ABR: variants seen among roughly 807,000 people sequenced by gnomAD.
ABR encodes ABR activator of RhoGEF and GTPase, also known as active breakpoint cluster region-related protein.
ABR carries 35 observed loss-of-function variants against 107.2 expected under a neutral mutation model. That is an observed-to-expected ratio of 0.33 (90% CI 0.25 to 0.43). The LOEUF (loss-of-function observed/expected upper bound fraction) is 0.43. Among genes scored for constraint, ABR ranks in the 20% least tolerant of loss-of-function variants. ABR has a pLI of 1.00. For synonymous variants in ABR, 498 were observed against 462.0 expected (o/e 1.08, Z -1.00); for missense variants, 815 against 1,115.2 (o/e 0.73, Z 3.83).
intron 1 of ABR, among the ~76,000 whole-genome samples, chr17:1,173,458 G>C (rs2041820755): frequency 6.7e-6 from 1 of 149,472 alleles, no homozygotes; most frequent in Non-Finnish European, 1.5e-5. Flanking sequence ...GCCTGCCCTA[G>C]GTTTGCGCCC....
chr17:1,100,333 G>A (rs2037779878), intron 3 of ABR, among the ~76,000 whole-genome samples: 1 of 152,206 alleles, frequency 6.6e-6, no homozygotes, highest in African/African-American at 2.4e-5. Flanking sequence ...CAGGCAGGCA[G>A]AGCACCATGA....
At chr17:1,062,096 G>A (rs1334290351) in intron 10 of ABR, among the ~76,000 whole-genome samples, 1 of 152,224 alleles carries the variant, frequency 6.6e-6, no homozygotes, top group Non-Finnish European at 1.5e-5. Flanking sequence ...AGCTGAACCT[G>A]AGAGGTGAGG....
upstream of ABR, among the ~76,000 whole-genome samples, chr17:1,190,597 G>A (rs2042410493): frequency 6.6e-6 from 1 of 152,174 alleles, no homozygotes; most frequent in Non-Finnish European, 1.5e-5. Context: ...CTGAGATCGT[G>A]CCACTGCACT....
At position 1,011,733 on chromosome 17, in the gene ABR, C is replaced by T. The variant is rs140692103; in HGVS notation, c.2101+113G>A. 2,799 of 1,338,026 alleles carry T rather than the reference C, an allele frequency of 2.1e-3. 29 individuals carry two copies. In the African/African-American group the frequency reaches 0.033, roughly 16 times the overall value. 82.9% of individuals were successfully genotyped at this position (1,338,026 alleles called of 1,614,324 possible). A position where few individuals can be genotyped will look rare whatever the true frequency, so the allele number is the denominator to read the frequency against. On this transcript the variant is annotated intron_variant, in intron 19 of 22. Transcript: ENST00000302538. The surrounding 1 kb of genome is among the most constrained non-coding windows in gnomAD (Gnocchi z 4.8). ...AGCACTTGCCACGGGGACTCTGAAG[C>T]AGAGCAAGCCTCCTCTCCAGGGAGG...
intron 16 of ABR, among the ~76,000 whole-genome samples, chr17:1,021,505 T>TA (rs1233820223): frequency 6.6e-6 from 1 of 151,960 alleles, no homozygotes; most frequent in Non-Finnish European, 1.5e-5. Context: ...CAGAGGTTCA[T>TA]AAAAAAAAGT....
intron 1 of ABR, among the ~76,000 whole-genome samples, chr17:1,201,551 G>A (rs1161875736): frequency 3.9e-5 from 6 of 152,260 alleles, no homozygotes; most frequent in South Asian, 2.1e-4. Flanking sequence ...CAGGCCCCCC[G>A]ATGCCGAAGA....
At chr17:1,097,451 CGTG>C (rs2037546260) in intron 3 of ABR, among the ~76,000 whole-genome samples, 6 of 151,848 alleles carry the variant, frequency 4.0e-5, no homozygotes, top group Admixed American at 3.3e-4. Context: ...ATTAGCTGGG[CGTG>C]GTGGTGGGTG....
chr17:1,226,620 G>A (rs972164344), intron 1 of ABR, among the ~76,000 whole-genome samples: 4 of 151,482 alleles, frequency 2.6e-5, no homozygotes, highest in Admixed American at 1.3e-4. Flanking sequence ...GCAGGTGTGT[G>A]TGCATGTATG....
At chr17:1,118,074 C>T (rs200601006) in intron 2 of ABR, among the ~76,000 whole-genome samples, 7,796 of 12,088 alleles carry the variant, frequency 0.64, 2,190 homozygotes, top group Middle Eastern at 0.79. Flanking sequence ...GAGCCTGAGT[C>T]CTTCCCAGCG....
chr17:1,053,358 C>G lies in ABR; in HGVS notation c.1561+2677G>C, dbSNP rs2440040. On this transcript the variant is annotated intron_variant, in intron 14 of 22. Coordinates refer to ENST00000302538, the MANE Select transcript of ABR (RefSeq NM_021962.5). ...GGTTCGAGAAGGGGCTGGGGGAGGG[C>G]TCACAGGGTCAGAGGGAGGGTTCCG... Among the ~76,000 whole-genome samples, 78 of 11,106 alleles carry G rather than the reference C, an allele frequency of 7.0e-3. 4 individuals are homozygous for G. Among genetic ancestry groups the G allele is most frequent in the African/African-American group, 0.02 (67 of 3,322 alleles). The allele number at this position is 11,106 out of a possible 152,430, so 7.3% of individuals were successfully genotyped here.
intron 1 of ABR, among the ~76,000 whole-genome samples, chr17:1,203,397 CCGCG>C (rs1309231180): frequency 0.25 from 8,219 of 33,070 alleles, 2,842 homozygotes; most frequent in East Asian, 0.37. Context: ...GGGGCGGGGC[CCGCG>C]GGGGGCGGAG....
chr17:1,176,204 C>T (rs947184013), intron 1 of ABR, among the ~76,000 whole-genome samples: 8 of 152,168 alleles, frequency 5.3e-5, no homozygotes, highest in African/African-American at 1.9e-4. Context: ...GCTGTCCCTG[C>T]CTGGGCTCCA....
Position 1,006,036 on chromosome 17 carries a change from G to C in ABR, c.*44C>G, listed in dbSNP as rs2150687160. On this transcript the variant is annotated 3_prime_UTR_variant, in exon 23 of 23. Transcript: ENST00000302538. ...CAAGTCTGAGTTGGACCCCAGGCTG[G>C]AGGGGCTGGTTCCACCACCCGCCCG... is the stretch of plus-strand genomic sequence containing the variant. 1.3e-6 allele frequency: 2 copies of C among 1,483,738 alleles called. No homozygotes were observed. The highest frequency in any genetic ancestry group is 1.8e-6 in the Non-Finnish European group (2 of 1,085,394). The allele number at this position is 1,483,738 out of a possible 1,614,324, so 91.9% of individuals were successfully genotyped here.
chr17:1,173,157 A>G, intron 1 of ABR, among the ~76,000 whole-genome samples: 1 of 105,906 alleles, frequency 9.4e-6, no homozygotes, highest in African/African-American at 3.8e-5. Flanking sequence ...TCCACCCCCC[A>G]CACATCACCT....
intron 1 of ABR, among the ~76,000 whole-genome samples, chr17:1,149,142 G>A (rs1010036805): frequency 1.1e-4 from 17 of 151,904 alleles, no homozygotes; most frequent in African/African-American, 3.6e-4. Flanking sequence ...TGACCTCGTG[G>A]TCCACCCACC....
intron 1 of ABR, among the ~76,000 whole-genome samples, chr17:1,220,148 G>A (rs879532208): frequency 1.6e-4 from 24 of 152,000 alleles, no homozygotes; most frequent in African/African-American, 5.8e-4. Flanking sequence ...AAAATTAGCC[G>A]GGCGTGGTGG....
At chr17:1,025,115 G>A (rs1357948459) in intron 16 of ABR, among the ~76,000 whole-genome samples, 6 of 22,040 alleles carry the variant, frequency 2.7e-4, no homozygotes, top group Admixed American at 9.8e-4. Context: ...GCGAGACTCC[G>A]TCTCAAAAAA....
intron 1 of ABR, among the ~76,000 whole-genome samples, chr17:1,224,760 G>T (rs557232674): frequency 2.0e-5 from 3 of 152,070 alleles, no homozygotes; most frequent in Non-Finnish European, 2.9e-5. Flanking sequence ...CTGAAGCCTC[G>T]ACCTCCTGGG....
intron 1 of ABR, among the ~76,000 whole-genome samples, chr17:1,226,954 A>G (rs1177514495): frequency 2.6e-5 from 4 of 152,160 alleles, no homozygotes; most frequent in African/African-American, 9.7e-5. Context: ...ACAGAGGCAG[A>G]ACCCGAACAT....
Sources: allele counts gnomAD v4.1 joint callset (sites outside exome capture counted in the v4.1 genomes callset), GRCh38; gene constraint gnomAD v4.1.1; non-coding constraint Gnocchi (gnomAD v3.1); transcripts MANE v1.5; gene names NCBI Gene and HGNC (gene_info 2026-07-23, HGNC 2026-07-21).